The following SHB variants were observed in gnomAD, a reference collection of about 807,000 sequenced individuals.
SHB encodes the protein SH2 domain containing adaptor protein B.
A neutral mutation model predicts 52.3 loss-of-function variants in SHB; 20 were observed. The ratio of observed to expected loss-of-function variants is 0.38; its 90% CI spans 0.27 to 0.56. The LOEUF (loss-of-function observed/expected upper bound fraction) is 0.56. SHB is among the 20% of genes least tolerant of loss of function. SHB has a pLI of 0.71. For missense variants in SHB, 825 were observed against 723.3 expected, an observed-to-expected ratio of 1.14 and a Z score of -1.61; for synonymous variants, 397 against 316.5, an observed-to-expected ratio of 1.25 and a Z score of -2.70.
intron 3 of SHB, among the ~76,000 whole-genome samples, chr9:37,965,576 CT>C (rs71990074): frequency 3.8e-4 from 54 of 141,396 alleles, no homozygotes; most frequent in Non-Finnish European, 3.3e-4. Context: ...ACTCAAATAT[CT>C]TTTTTTTTTT....
chr9:37,972,466 G>A (rs901208064), intron 3 of SHB, among the ~76,000 whole-genome samples: 16 of 152,220 alleles, frequency 1.1e-4, no homozygotes, highest in Non-Finnish European at 2.9e-5. Flanking sequence ...GAAAGGTGAT[G>A]GGACAGGTTG....
At chr9:38,029,958 C>T (rs1483366433) in intron 1 of SHB, among the ~76,000 whole-genome samples, 2 of 152,230 alleles carry the variant, frequency 1.3e-5, no homozygotes, top group African/African-American at 2.4e-5. Context: ...AGTATGCCCA[C>T]ACTCCCATAT....
Position 37,949,457 on chromosome 9 carries a change from G to A in SHB, c.1227-703C>T, listed in dbSNP as rs7864276. 9.2e-3 allele frequency among the ~76,000 whole-genome samples: 1,384 copies of A among 150,550 alleles called. 21 individuals are homozygous for A. Among genetic ancestry groups the A allele is most frequent in the African/African-American group, 0.032 (1,327 of 40,960 alleles). On this transcript the variant is annotated intron_variant, in intron 4 of 5. Coordinates refer to ENST00000377707, the MANE Select transcript of SHB (RefSeq NM_003028.3). ...AAAAAAAAGAAGAAAGAAAAAAAAA[G>A]TGACATTTCAGTGCAGACCTGCAGG...
chr9:37,932,369 GA>G (rs1235326467), intron 5 of SHB, among the ~76,000 whole-genome samples: 1 of 151,346 alleles, frequency 6.6e-6, no homozygotes, highest in Non-Finnish European at 1.5e-5. Flanking sequence ...TAGAGATGGA[GA>G]AAAAAACAGT....
chr9:38,015,608 C>G, intron 2 of SHB: 1 of 607,008 alleles, frequency 1.6e-6, no homozygotes, highest in East Asian at 2.8e-5. Flanking sequence ...GCAACGAAAG[C>G]CAGGTGACCC....
chr9:37,926,245 T>C (rs1265268439), intron 5 of SHB, among the ~76,000 whole-genome samples: 2 of 151,224 alleles, frequency 1.3e-5, no homozygotes, highest in African/African-American at 4.9e-5. Context: ...GCAGTGCCTT[T>C]ATGACTCACA....
rs114742758 is a variant in SHB at position 38,003,827 on chromosome 9, C to T, written c.838+12184G>A. ...TCTCCGTAAGGTAAAGGACACAGCACAGAAATGGAAGCAAATCCTAGAAGA... is the reference window on the plus strand; with the variant it reads ...TCTCCGTAAGGTAAAGGACACAGCATAGAAATGGAAGCAAATCCTAGAAGA... On this transcript the variant is annotated intron_variant, in intron 2 of 5. Transcript: ENST00000377707. Among the ~76,000 whole-genome samples, 734 of 152,348 alleles carry T rather than the reference C, an allele frequency of 4.8e-3. 8 individuals are homozygous for T. Among genetic ancestry groups the T allele is most frequent in the African/African-American group, 0.017 (710 of 41,582 alleles).
intron 2 of SHB, among the ~76,000 whole-genome samples, 158 bp downstream of exon 2, chr9:38,015,853 T>C (rs1459745867): frequency 1.3e-5 from 2 of 152,148 alleles, no homozygotes; most frequent in Non-Finnish European, 2.9e-5. Context: ...GCAGGTAAAC[T>C]GTGGGGAAGA....
At chr9:37,973,147 C>T (rs190808692) in intron 3 of SHB, among the ~76,000 whole-genome samples, 34 of 152,346 alleles carry the variant, frequency 2.2e-4, no homozygotes, top group African/African-American at 7.9e-4. Context: ...ACCACACAGA[C>T]GCACAGAAAT....
intron 5 of SHB, among the ~76,000 whole-genome samples, chr9:37,924,996 T>C (rs760609021): frequency 3.3e-5 from 5 of 152,216 alleles, no homozygotes; most frequent in Non-Finnish European, 5.9e-5. Flanking sequence ...TGGTGAGAAC[T>C]GGAGGTTAAG....
chr9:38,014,114 G>T (rs964802790), intron 2 of SHB, among the ~76,000 whole-genome samples: 4 of 152,114 alleles, frequency 2.6e-5, no homozygotes, highest in Non-Finnish European at 5.9e-5. Flanking sequence ...TTTGTACTCT[G>T]CCATCAATTC....
intron 2 of SHB, among the ~76,000 whole-genome samples, chr9:37,980,171 C>T (rs1012013139): frequency 1.3e-5 from 2 of 152,196 alleles, no homozygotes; most frequent in Admixed American, 6.5e-5. Flanking sequence ...CTTCCTTTCA[C>T]GAAAGATTTC....
chr9:37,932,972 T>A (rs762549800), intron 5 of SHB, among the ~76,000 whole-genome samples: 1 of 152,182 alleles, frequency 6.6e-6, no homozygotes, highest in East Asian at 1.9e-4. Context: ...TATATCTTCA[T>A]TATACACAAT....
chr9:38,065,960 C>A (rs907624592), intron 1 of SHB, among the ~76,000 whole-genome samples: 1 of 152,164 alleles, frequency 6.6e-6, no homozygotes, highest in South Asian at 2.1e-4. Flanking sequence ...GCCACACCCC[C>A]CAACCTCTCC....
chr9:38,063,314 AG>A (rs566925326), intron 1 of SHB, among the ~76,000 whole-genome samples: 4 of 152,246 alleles, frequency 2.6e-5, no homozygotes, highest in Admixed American at 6.5e-5. Flanking sequence ...TATGTGAAAC[AG>A]GACAAATGAT....
chr9:37,978,713 C>T (rs1476526370), intron 2 of SHB, among the ~76,000 whole-genome samples: 2 of 152,116 alleles, frequency 1.3e-5, no homozygotes, highest in African/African-American at 2.4e-5. Context: ...ATGACAGCAA[C>T]GTTGTAAGTA....
chr9:38,007,191 C>A (rs1048377962), intron 2 of SHB, among the ~76,000 whole-genome samples: 1 of 152,232 alleles, frequency 6.6e-6, no homozygotes, highest in Non-Finnish European at 1.5e-5. Context: ...CTGACCCAGG[C>A]CCTGTGACTT....
intron 4 of SHB, among the ~76,000 whole-genome samples, chr9:37,952,809 AG>A (rs932645991): frequency 7.2e-5 from 11 of 151,912 alleles, no homozygotes; most frequent in African/African-American, 2.7e-4. Context: ...AAGCTGGGGG[AG>A]GGGCAAGTTT....
At chr9:38,061,622 G>A (rs1275867849) in intron 1 of SHB, among the ~76,000 whole-genome samples, 1 of 152,186 alleles carries the variant, frequency 6.6e-6, no homozygotes, top group African/African-American at 2.4e-5. Flanking sequence ...AATTTTTATG[G>A]GTCAGAAATG....
Sources: gnomAD v4.1 joint callset for allele counts (sites outside exome capture counted in the v4.1 genomes callset) on GRCh38, gnomAD v4.1.1 for gene constraint, MANE v1.5 for transcripts, NCBI Gene and HGNC (gene_info 2026-07-23, HGNC 2026-07-21) for gene names.